The following CSMD1 variants were observed in gnomAD, a reference collection of about 807,000 sequenced individuals.
CSMD1 encodes the protein CUB and Sushi multiple domains 1, also known as CUB and sushi domain-containing protein 1.
A neutral mutation model predicts 417.5 loss-of-function variants in CSMD1; 213 were observed. The observed-to-expected ratio is 0.51, with a 90% confidence interval of 0.46 to 0.57. CSMD1 has a LOEUF of 0.57. Among genes scored for constraint, CSMD1 ranks in the 20% least tolerant of loss-of-function variants. CSMD1 has a pLI of 0.00. For missense variants in CSMD1, 6,923 were observed against 4,529.7 expected (o/e 1.53, Z -15.17); for synonymous variants, 2,862 against 1,736.8 (o/e 1.65, Z -16.11).
chr8:4,471,028 C>G (rs1461537111), intron 2 of CSMD1, among the ~76,000 whole-genome samples: 4 of 152,096 alleles, frequency 2.6e-5, no homozygotes, highest in African/African-American at 4.8e-5. Flanking sequence ...TATGAAATAT[C>G]TTTTGAACTT....
At chr8:3,994,151 G>A (rs1290530980) in intron 5 of CSMD1, among the ~76,000 whole-genome samples, 1 of 152,114 alleles carries the variant, frequency 6.6e-6, no homozygotes, top group Non-Finnish European at 1.5e-5. Context: ...TTTGTTTTGG[G>A]ACACATTTTC....
At chr8:3,333,574 T>G (rs1484690234) in intron 23 of CSMD1, among the ~76,000 whole-genome samples, 1 of 152,220 alleles carries the variant, frequency 6.6e-6, no homozygotes, top group South Asian at 2.1e-4. Flanking sequence ...ATGCCAGGAG[T>G]AGATATTAGA....
At chr8:3,671,237 A>G (rs969428067) in intron 7 of CSMD1, among the ~76,000 whole-genome samples, 1 of 143,008 alleles carries the variant, frequency 7.0e-6, no homozygotes, top group African/African-American at 2.5e-5. Context: ...TATGGGATAT[A>G]TATGTGTGGG....
At chr8:4,585,248 G>C (rs554966238) in intron 2 of CSMD1, among the ~76,000 whole-genome samples, 25 of 152,232 alleles carry the variant, frequency 1.6e-4, no homozygotes, top group Non-Finnish European at 3.2e-4. Context: ...CATCTACAAA[G>C]ACTGGAGTCA....
intron 26 of CSMD1, among the ~76,000 whole-genome samples, chr8:3,264,597 T>C (rs932329146): frequency 2.6e-5 from 4 of 152,230 alleles, no homozygotes; most frequent in Admixed American, 6.6e-5. Flanking sequence ...CAATCATTTA[T>C]ATTTGCAGAA....
intron 3 of CSMD1, among the ~76,000 whole-genome samples, chr8:4,197,444 T>C (rs1176875635): frequency 2.0e-5 from 3 of 152,172 alleles, no homozygotes; most frequent in African/African-American, 7.2e-5. Flanking sequence ...CCTTCTGTAA[T>C]GTAGGTGGGC....
intron 5 of CSMD1, among the ~76,000 whole-genome samples, chr8:3,827,326 T>G (rs1035028504): frequency 2.6e-5 from 4 of 152,200 alleles, no homozygotes; most frequent in African/African-American, 7.2e-5. Context: ...ATAAAAGAAT[T>G]AAACAAAATT....
At chr8:3,714,009 G>A (rs572229653) in intron 6 of CSMD1, among the ~76,000 whole-genome samples, 4 of 140,188 alleles carry the variant, frequency 2.9e-5, no homozygotes, top group Non-Finnish European at 6.2e-5. Context: ...CCTTAGAATT[G>A]CAAGGGCTCA....
At chr8:4,912,804 G>C (rs548731559) in intron 1 of CSMD1, among the ~76,000 whole-genome samples, 2 of 151,664 alleles carry the variant, frequency 1.3e-5, no homozygotes, top group South Asian at 2.1e-4. Context: ...TTGGAGGGGG[G>C]GCACAGAGTC....
At chr8:4,189,355 A>C (rs980981105) in intron 3 of CSMD1, among the ~76,000 whole-genome samples, 32 of 152,228 alleles carry the variant, frequency 2.1e-4, no homozygotes, top group African/African-American at 7.2e-4. Context: ...AATAATGATA[A>C]TAAATAATAT....
chr8:3,841,283 T>C (rs1382183740), intron 5 of CSMD1, among the ~76,000 whole-genome samples: 1 of 152,188 alleles, frequency 6.6e-6, no homozygotes, highest in Non-Finnish European at 1.5e-5. Flanking sequence ...GAACTATCTT[T>C]AAAACTAAAT....
intron 54 of CSMD1, among the ~76,000 whole-genome samples, chr8:2,982,583 A>G (rs1805517291): frequency 6.6e-6 from 1 of 152,164 alleles, no homozygotes; most frequent in African/African-American, 2.4e-5. Flanking sequence ...AAGAGGGATC[A>G]CTGTTCCCGT....
chr8:4,491,997 C>A (rs908277672), intron 2 of CSMD1, among the ~76,000 whole-genome samples: 3 of 149,458 alleles, frequency 2.0e-5, no homozygotes, highest in African/African-American at 7.4e-5. Context: ...AATGGATAAA[C>A]TATGGTACAT....
intron 1 of CSMD1, among the ~76,000 whole-genome samples, chr8:4,891,678 T>A (rs866310358): frequency 2.6e-5 from 4 of 152,118 alleles, no homozygotes; most frequent in Admixed American, 6.5e-5. Context: ...GTATTTATCC[T>A]AAGGGCTTAT....
chr8:4,293,511 T>C (rs1326909769), intron 3 of CSMD1, among the ~76,000 whole-genome samples: 1 of 152,220 alleles, frequency 6.6e-6, no homozygotes, highest in Non-Finnish European at 1.5e-5. Context: ...TTATACTTAC[T>C]TTAAAAGAAC....
At chr8:3,084,243 G>C (rs1183670562) in intron 49 of CSMD1, among the ~76,000 whole-genome samples, 1 of 152,140 alleles carries the variant, frequency 6.6e-6, no homozygotes, top group African/African-American at 2.4e-5. Context: ...ACATTCTAGA[G>C]CTGGGCAGGG....
chr8:4,661,411 C>A (rs1461739312), intron 1 of CSMD1, among the ~76,000 whole-genome samples: 3 of 151,992 alleles, frequency 2.0e-5, no homozygotes, highest in Admixed American at 1.3e-4. Context: ...CTATAGGATT[C>A]GATTTTTATA....
intron 1 of CSMD1, among the ~76,000 whole-genome samples, chr8:4,643,986 T>C (rs1022189977): frequency 1.3e-5 from 2 of 152,070 alleles, no homozygotes; most frequent in East Asian, 3.9e-4. Context: ...CTTGGTTGGG[T>C]TTTACTCCCA....
rs76654189 is a variant in CSMD1, at chr8:4,481,980, T to C, written c.303-61915A>G. On this transcript the variant is annotated intron_variant, in intron 2 of 69. Coordinates refer to ENST00000635120, the MANE Select transcript of CSMD1 (RefSeq NM_033225.6). The stretch of plus-strand genomic sequence containing the variant: ...CATTACTCTTAGCTGCTATATTATA[T>C]AGGCTTTATCAGTACAAGTCTTTCC... Among the ~76,000 whole-genome samples the C allele has an allele frequency of 9.0e-4, 137 of 152,274 alleles. 1 individual carries two copies. In the East Asian group the frequency reaches 0.024, roughly 27 times the overall value.
Sources: allele counts gnomAD v4.1 joint callset (sites outside exome capture counted in the v4.1 genomes callset), GRCh38; gene constraint gnomAD v4.1.1; transcripts MANE v1.5; gene names NCBI Gene and HGNC (gene_info 2026-07-23, HGNC 2026-07-21).